The following CELF2 variants were observed in gnomAD, a reference collection of about 807,000 sequenced individuals.
CELF2 encodes CUG triplet repeat RNA-binding protein 2.
Under a neutral mutation model 62.6 loss-of-function variants are expected in CELF2, and 8 were observed. The ratio of observed to expected loss-of-function variants is 0.13; its 90% CI spans 0.07 to 0.23. CELF2 has a LOEUF of 0.23. CELF2 is among the 10% of genes least tolerant of loss of function. The pLI, the probability that CELF2 is intolerant of heterozygous loss-of-function variation, is 1.00. For synonymous variants in CELF2, 258 were observed against 250.0 expected, an observed-to-expected ratio of 1.03 and a Z score of -0.30; for missense variants, 333 against 671.0, an observed-to-expected ratio of 0.50 and a Z score of 5.56.
At chr10:10,926,712 C>T (rs2065503138) in intron 2 of CELF2, among the ~76,000 whole-genome samples, 1 of 152,142 alleles carries the variant, frequency 6.6e-6, no homozygotes, top group African/African-American at 2.4e-5. Context: ...CATTGGGTTT[C>T]TGGTATTCTC....
At chr10:10,546,521 G>A in the CELF2 span, among the ~76,000 whole-genome samples, 1 of 152,284 alleles carries the variant, frequency 6.6e-6, no homozygotes, top group Admixed American at 6.5e-5. Flanking sequence ...TGTATTATAA[G>A]TAAACTGGCT....
chr10:10,837,746 A>T (rs1294439965), intron 1 of CELF2, among the ~76,000 whole-genome samples: 2 of 152,206 alleles, frequency 1.3e-5, no homozygotes, highest in Non-Finnish European at 2.9e-5. Flanking sequence ...CCTATATGCC[A>T]TCCCCAGGAA....
chr10:11,108,086 C>T (rs1380740827), intron 1 of CELF2, among the ~76,000 whole-genome samples: 1 of 80,870 alleles, frequency 1.2e-5, no homozygotes, highest in African/African-American at 5.3e-5. Context: ...CACTCCCTTC[C>T]TCTCCCCACT....
At chr10:10,709,490 AT>A in the CELF2 span, among the ~76,000 whole-genome samples, 23 of 152,202 alleles carry the variant, frequency 1.5e-4, no homozygotes, top group African/African-American at 5.3e-4. Flanking sequence ...AATTGATGTG[AT>A]TTTAAAATAG....
upstream of CELF2, chr10:10,794,699 A>G (rs1451840388): frequency 6.6e-6 from 1 of 152,110 alleles, no homozygotes; most frequent in African/African-American, 2.4e-5. Flanking sequence ...TTTACTTACA[A>G]TTGATGGTGA....
At chr10:10,476,603 T>C in the CELF2 span, among the ~76,000 whole-genome samples, 2 of 152,072 alleles carry the variant, frequency 1.3e-5, no homozygotes, top group Non-Finnish European at 2.9e-5. Context: ...CTGCACTAAA[T>C]ATACTTGTTG....
At chr10:10,471,600 T>G in the CELF2 span, among the ~76,000 whole-genome samples, 1 of 151,730 alleles carries the variant, frequency 6.6e-6, no homozygotes, top group African/African-American at 2.4e-5. Flanking sequence ...CCATTTACTT[T>G]CTGGCTTTTG....
At chr10:11,184,398 C>T (rs548082021) in intron 2 of CELF2, among the ~76,000 whole-genome samples, 1 of 152,156 alleles carries the variant, frequency 6.6e-6, no homozygotes, top group Non-Finnish European at 1.5e-5. Flanking sequence ...TGTATCTCCT[C>T]GTAAATTTTA....
At chr10:10,673,360 C>G in the CELF2 span, among the ~76,000 whole-genome samples, 1 of 152,126 alleles carries the variant, frequency 6.6e-6, no homozygotes, top group African/African-American at 2.4e-5. Flanking sequence ...TGTTCATGAT[C>G]TTAGTGAGAT....
the CELF2 span, among the ~76,000 whole-genome samples, chr10:10,761,263 A>G: frequency 6.6e-6 from 1 of 152,198 alleles, no homozygotes. Flanking sequence ...TAAGAAGTTG[A>G]ATGAGTTGTG....
chr10:11,082,557 C>A (rs1014238926), intron 1 of CELF2, among the ~76,000 whole-genome samples: 2 of 152,208 alleles, frequency 1.3e-5, no homozygotes, highest in African/African-American at 4.8e-5. Context: ...CTATGTAAAT[C>A]ACTCCTCTTC....
At chr10:11,038,030 T>C (rs896874252) in intron 1 of CELF2, among the ~76,000 whole-genome samples, 1 of 152,190 alleles carries the variant, frequency 6.6e-6, no homozygotes, top group Non-Finnish European at 1.5e-5. Flanking sequence ...AAAAATGCTC[T>C]TTACTCCCTG....
intron 1 of CELF2, among the ~76,000 whole-genome samples, chr10:10,865,572 A>C (rs1487260053): frequency 6.6e-6 from 1 of 152,186 alleles, no homozygotes; most frequent in Non-Finnish European, 1.5e-5. Context: ...TGAATGGAAA[A>C]AATATTAATA....
At chr10:10,933,795 G>T (rs2066346836) in intron 2 of CELF2, among the ~76,000 whole-genome samples, 1 of 152,120 alleles carries the variant, frequency 6.6e-6, no homozygotes, top group African/African-American at 2.4e-5. Context: ...TATGGCCAAA[G>T]AATATTCTAT....
Position 11,330,123 on chromosome 10 carries a change from GATT to G in CELF2, c.*1074_*1076del, listed in dbSNP as rs2095965944. 6.6e-6 allele frequency: 1 copy of G among 152,564 alleles called. No individual in the cohort carries two copies. Among genetic ancestry groups the G allele is most frequent in the Admixed American group, 6.5e-5 (1 of 15,268 alleles). 9.5% of individuals were successfully genotyped at this position (152,564 alleles called of 1,614,324 possible). Reference sequence around the variant, plus strand: ...ATCCTCTCGTTGTTTGTATCTGTCTGATTATTTTGTTTGTAACTTCCATTATCT... The same window carrying G: ...ATCCTCTCGTTGTTTGTATCTGTCTGATTTTGTTTGTAACTTCCATTATCT... On this transcript the variant is annotated 3_prime_UTR_variant, in exon 13 of 13. Transcript: ENST00000633077. The surrounding 1 kb of genome is among the most constrained non-coding windows in gnomAD (Gnocchi z 4.5).
At chr10:11,126,043 T>G (rs1404180729) in intron 1 of CELF2, among the ~76,000 whole-genome samples, 1 of 152,220 alleles carries the variant, frequency 6.6e-6, no homozygotes, top group Non-Finnish European at 1.5e-5. Context: ...TGACGTAAAA[T>G]ACTACATCCT....
chr10:10,626,178 A>G, the CELF2 span, among the ~76,000 whole-genome samples: 5 of 152,140 alleles, frequency 3.3e-5, no homozygotes, highest in Non-Finnish European at 5.9e-5. Context: ...TCCAAGGGTG[A>G]AGTACATTCG....
At chr10:11,107,331 C>G (rs980695411) in intron 1 of CELF2, among the ~76,000 whole-genome samples, 1 of 152,148 alleles carries the variant, frequency 6.6e-6, no homozygotes, top group African/African-American at 2.4e-5. Context: ...CTTCAGAGAA[C>G]TGGATTCCAG....
intron 1 of CELF2, among the ~76,000 whole-genome samples, chr10:10,897,768 G>T (rs568099199): frequency 1.8e-4 from 27 of 152,204 alleles, no homozygotes; most frequent in Non-Finnish European, 3.4e-4. Flanking sequence ...AACACTGACC[G>T]CTTGTACTGA....
Sources: gnomAD v4.1 joint callset for allele counts (sites outside exome capture counted in the v4.1 genomes callset) on GRCh38, gnomAD v4.1.1 for gene constraint, Gnocchi (gnomAD v3.1) non-coding constraint, MANE v1.5 for transcripts, NCBI Gene and HGNC (gene_info 2026-07-23, HGNC 2026-07-21) for gene names.